The following CRLF3 variants were observed in gnomAD, a reference collection of about 807,000 sequenced individuals.
The protein encoded by CRLF3 is cytokine receptor-like factor 3.
A neutral mutation model predicts 55.0 loss-of-function variants in CRLF3; 33 were observed. The observed-to-expected ratio is 0.60, with a 90% CI of 0.46 to 0.80. CRLF3 has a LOEUF of 0.80. Among genes scored for constraint, CRLF3 ranks in the 30% least tolerant of loss-of-function variants. CRLF3 has a pLI of 0.00. For missense variants in CRLF3, 494 were observed against 538.4 expected, an observed-to-expected ratio of 0.92 and a Z score of 0.82; for synonymous variants, 238 against 196.8, an observed-to-expected ratio of 1.21 and a Z score of -1.75.
intron 5 of CRLF3, among the ~76,000 whole-genome samples, 178 bp downstream of exon 5, chr17:30,793,272 A>G (rs1971852432): frequency 6.6e-6 from 1 of 152,162 alleles, no homozygotes; most frequent in African/African-American, 2.4e-5. Context: ...GACTCTGAAG[A>G]ACTGATGAAA....
At chr17:30,790,156 C>T (rs1971758440) in intron 6 of CRLF3, among the ~76,000 whole-genome samples, 1 of 152,040 alleles carries the variant, frequency 6.6e-6, no homozygotes, top group Non-Finnish European at 1.5e-5. Context: ...GCAACACTGG[C>T]TTAGATAAAA....
At chr17:30,810,370 A>T (rs1293069726) in intron 1 of CRLF3, among the ~76,000 whole-genome samples, 1 of 152,108 alleles carries the variant, frequency 6.6e-6, no homozygotes, top group African/African-American at 2.4e-5. Flanking sequence ...GTTCGAGACC[A>T]GCCTGGCCAA....
chr17:30,811,803 CAAAAAAAAAAAAAA>C (rs915710879), intron 1 of CRLF3, among the ~76,000 whole-genome samples: 5 of 27,752 alleles, frequency 1.8e-4, no homozygotes. Flanking sequence ...GACTCTGTCT[CAAAAAAAAAAAAAA>C]AAAAAAAAAA....
intron 1 of CRLF3, among the ~76,000 whole-genome samples, chr17:30,811,630 C>T (rs1355168284): frequency 6.6e-6 from 1 of 151,170 alleles, no homozygotes; most frequent in Non-Finnish European, 1.5e-5. Flanking sequence ...GGTGAAACCC[C>T]GTCTCTACTA....
chr17:30,807,139 A>T (rs1398240721), intron 1 of CRLF3, among the ~76,000 whole-genome samples: 5 of 152,068 alleles, frequency 3.3e-5, no homozygotes, highest in Non-Finnish European at 7.4e-5. Flanking sequence ...ACTATAAGCC[A>T]CTCCGATAAG....
intron 6 of CRLF3, among the ~76,000 whole-genome samples, chr17:30,787,098 A>C (rs965367835): frequency 5.3e-5 from 8 of 152,166 alleles, no homozygotes; most frequent in Admixed American, 2.0e-4. Context: ...GGCCTCCCAA[A>C]GTGCTGGGAT....
chr17:30,808,607 T>TA (rs201499933), intron 1 of CRLF3, among the ~76,000 whole-genome samples: 2,760 of 145,808 alleles, frequency 0.019, 27 homozygotes, highest in Admixed American at 0.024. Flanking sequence ...TATATATATA[T>TA]TTTTTTTTTG....
intron 1 of CRLF3, among the ~76,000 whole-genome samples, chr17:30,813,278 T>A (rs561606609): frequency 6.6e-6 from 1 of 152,256 alleles, no homozygotes; most frequent in East Asian, 1.9e-4. Context: ...TCATTCAACA[T>A]TTATTGAGGC....
At chr17:30,788,275 C>T (rs913486137) in intron 6 of CRLF3, among the ~76,000 whole-genome samples, 1 of 149,614 alleles carries the variant, frequency 6.7e-6, no homozygotes, top group Non-Finnish European at 1.5e-5. Context: ...TTGCAGTGAG[C>T]CGATTGTGCC....
intron 6 of CRLF3, 172 bp from the exon 7 acceptor site, chr17:30,786,203 A>G: frequency 1.9e-6 from 1 of 515,556 alleles, no homozygotes; most frequent in South Asian, 2.8e-5. Flanking sequence ...ATTATTTTAT[A>G]TCTATCTATC....
chr17:30,797,672 G>C (rs1394643336), intron 2 of CRLF3, among the ~76,000 whole-genome samples: 2 of 151,960 alleles, frequency 1.3e-5, no homozygotes, highest in African/African-American at 4.8e-5. Flanking sequence ...AGGCAAAGCA[G>C]AAAGCCCAGG....
intron 5 of CRLF3, among the ~76,000 whole-genome samples, chr17:30,793,152 A>C (rs1420206393): frequency 6.6e-6 from 1 of 151,872 alleles, no homozygotes; most frequent in African/African-American, 2.4e-5. Context: ...AACTAACTAA[A>C]TAACATTCAA....
chr17:30,802,362 C>G lies in CRLF3; in HGVS notation c.337+1539G>C, dbSNP rs796570002. Among the ~76,000 whole-genome samples, 44 of 152,162 alleles carry G rather than the reference C, an allele frequency of 2.9e-4. 1 individual carries two copies. Among genetic ancestry groups the G allele is most frequent in the African/African-American group, 1.0e-3 (43 of 41,518 alleles). On this transcript the variant is annotated intron_variant, in intron 2 of 7. Transcript: ENST00000324238. ...GTCTTGATCTCCTGACCTGATGATC[C>G]GCCCACCTCCACCTCCCAAAGTGCT...
At chr17:30,822,062 CAAAAAAAAAA>C (rs576859607) in intron 1 of CRLF3, among the ~76,000 whole-genome samples, 1 of 56,094 alleles carries the variant, frequency 1.8e-5, no homozygotes, top group Non-Finnish European at 3.9e-5. Flanking sequence ...GCACCCCCGC[CAAAAAAAAAA>C]AAAAAAAAAG....
chr17:30,790,633 T>TTTTTTC lies in CRLF3; in HGVS notation c.959+1806_959+1807insGAAAAA, dbSNP rs1491456812. The TTTTTTC allele has an allele frequency of 1.3e-4, 12 of 89,074 alleles. 1 individual carries two copies. The highest frequency in any genetic ancestry group is 5.1e-4 in the African/African-American group (12 of 23,382). 5.5% of individuals were successfully genotyped at this position (89,074 alleles called of 1,614,324 possible). On this transcript the variant is annotated intron_variant, in intron 6 of 7. Transcript: ENST00000324238. The stretch of plus-strand genomic sequence containing the variant: ...TTTTTTTTTTTTTTTTTTTTTTTTT[T>TTTTTTC]CCAGACGGAATCTTGCACTGTCTCC...
At chr17:30,791,425 T>C (rs1188370316) in intron 6 of CRLF3, among the ~76,000 whole-genome samples, 1 of 152,028 alleles carries the variant, frequency 6.6e-6, no homozygotes, top group South Asian at 2.1e-4. Flanking sequence ...CAGGCTGGTC[T>C]CGAACTCCTG....
At position 30,783,383 on chromosome 17, in the gene CRLF3, G is replaced by C. The variant is rs759251409; in HGVS notation, c.*804C>G. 3 of 152,218 alleles carry C rather than the reference G, an allele frequency of 2.0e-5. No individual in the cohort carries two copies. Among genetic ancestry groups the C allele is most frequent in the Non-Finnish European group, 4.4e-5 (3 of 68,056 alleles). The allele number at this position is 152,218 out of a possible 1,614,324, so 9.4% of individuals were successfully genotyped here. On this transcript the variant is annotated 3_prime_UTR_variant, in exon 8 of 8. Coordinates refer to ENST00000324238, the MANE Select transcript of CRLF3 (RefSeq NM_015986.4). ...TGTAATCCTAGCACTTTGGAAGGCT[G>C]AGGTGGGTGGAACACCTGAGGTCAG...
chr17:30,784,529 C>G (rs1424160833), intron 7 of CRLF3, 86 bp from the exon 8 acceptor site: 1 of 1,188,424 alleles, frequency 8.4e-7, no homozygotes, highest in Non-Finnish European at 1.2e-6. Flanking sequence ...TAACACAGCT[C>G]ATTTCCTAAT....
chr17:30,797,995 G>C (rs1971949874), intron 2 of CRLF3, among the ~76,000 whole-genome samples: 1 of 150,518 alleles, frequency 6.6e-6, no homozygotes, highest in South Asian at 2.1e-4. Context: ...GCCCAGGCTG[G>C]GCATAAGGCT....
Sources: allele counts gnomAD v4.1 joint callset (sites outside exome capture counted in the v4.1 genomes callset), GRCh38; gene constraint gnomAD v4.1.1; transcripts MANE v1.5; gene names NCBI Gene and HGNC (gene_info 2026-07-23, HGNC 2026-07-21).